Variants in EPB41L5 observed in about 807,000 individuals in gnomAD.
The protein encoded by EPB41L5 is erythrocyte membrane protein band 4.1 like 5.
In EPB41L5, 55 loss-of-function variants were observed where a neutral mutation model predicts 106.6. The observed-to-expected ratio is 0.52, with a 90% CI of 0.42 to 0.65. The LOEUF (loss-of-function observed/expected upper bound fraction) is 0.65, where lower values mean the gene tolerates loss of function less well. Among genes scored for constraint, EPB41L5 ranks in the 30% least tolerant of loss-of-function variants. The pLI is 0.00. For synonymous variants in EPB41L5, 297 were observed against 306.7 expected, an observed-to-expected ratio of 0.97 and a Z score of 0.33; for missense variants, 871 against 882.1, an observed-to-expected ratio of 0.99 and a Z score of 0.16.
At chr2:120,104,503 T>C in intron 16 of EPB41L5, 1 of 1,122,944 alleles carries the variant, frequency 8.9e-7, no homozygotes, top group Non-Finnish European at 1.1e-6. Flanking sequence ...TTTTCAGACC[T>C]TAGTATGTTC....
chr2:120,146,554 C>T (rs1477004047), intron 20 of EPB41L5, among the ~76,000 whole-genome samples: 2 of 152,240 alleles, frequency 1.3e-5, no homozygotes, highest in Non-Finnish European at 2.9e-5. Context: ...GTGATCTTTT[C>T]AGTCACCTGG....
intron 18 of EPB41L5, among the ~76,000 whole-genome samples, chr2:120,139,027 AT>A (rs950000525): frequency 2.0e-5 from 3 of 152,144 alleles, no homozygotes; most frequent in African/African-American, 7.2e-5. Context: ...AAATAAATCC[AT>A]ACATCTGCAG....
At chr2:120,158,826 A>C (rs1045479271) in intron 20 of EPB41L5, among the ~76,000 whole-genome samples, 3 of 152,194 alleles carry the variant, frequency 2.0e-5, no homozygotes, top group Non-Finnish European at 4.4e-5. Context: ...ACATGATTCT[A>C]TATCTAGAAA....
In EPB41L5 at chr2:120,106,874, T is replaced by C. The variant is rs1684483262; in HGVS notation, c.1337+6060T>C. ...GATAGGATAATCATAGATAACATAC[T>C]TTTAAATGAATTTACAGAGAAAAAT... is the stretch of plus-strand genomic sequence containing the variant. On this transcript the variant is annotated intron_variant, in intron 16 of 24. Coordinates refer to ENST00000263713, the MANE Select transcript of EPB41L5 (RefSeq NM_020909.4). The C allele has an allele frequency of 3.1e-6, 3 of 981,930 alleles. No homozygotes were observed. The African/African-American group carries it at 5.2e-5, about 17-fold the overall frequency. 60.8% of individuals were successfully genotyped at this position (981,930 alleles called of 1,614,324 possible). A position where few individuals can be genotyped will look rare whatever the true frequency, so the allele number is the denominator to read the frequency against.
At chr2:120,155,074 T>A (rs1686844434) in intron 20 of EPB41L5, among the ~76,000 whole-genome samples, 1 of 152,268 alleles carries the variant, frequency 6.6e-6, no homozygotes, top group Admixed American at 6.5e-5. Context: ...CTTACCTGTT[T>A]AATTACCTTT....
chr2:120,140,541 T>C (rs530523605), intron 18 of EPB41L5, among the ~76,000 whole-genome samples: 139 of 152,100 alleles, frequency 9.1e-4, no homozygotes, highest in African/African-American at 3.2e-3. Flanking sequence ...TCAACTTGAG[T>C]AGAAGTTGAG....
At chr2:120,054,985 G>A (rs1680548174) in intron 3 of EPB41L5, among the ~76,000 whole-genome samples, 1 of 151,030 alleles carries the variant, frequency 6.6e-6, no homozygotes. Context: ...TCCTGCCTCA[G>A]CCTCCCAAGC....
intron 24 of EPB41L5, among the ~76,000 whole-genome samples, chr2:120,168,550 G>A (rs1322425170): frequency 3.3e-5 from 5 of 152,174 alleles, no homozygotes; most frequent in Non-Finnish European, 1.5e-5. Context: ...AACCATAACT[G>A]CACCTGTTTT....
At chr2:120,157,473 C>T (rs1207678792) in intron 20 of EPB41L5, among the ~76,000 whole-genome samples, 2 of 151,242 alleles carry the variant, frequency 1.3e-5, no homozygotes, top group Non-Finnish European at 3.0e-5. Flanking sequence ...CACAAAAAAA[C>T]ACTCAAAAAA....
chr2:120,155,175 A>T (rs1274371807), intron 20 of EPB41L5, among the ~76,000 whole-genome samples: 2 of 152,044 alleles, frequency 1.3e-5, no homozygotes, highest in East Asian at 3.9e-4. Flanking sequence ...TTAGCATTTT[A>T]TGTAAGGAAT....
intron 20 of EPB41L5, among the ~76,000 whole-genome samples, chr2:120,153,677 ATAGT>A (rs1440313562): frequency 6.6e-6 from 1 of 152,046 alleles, no homozygotes; most frequent in East Asian, 1.9e-4. Context: ...GTCTCTGTTG[ATAGT>A]TCTGTATATG....
At chr2:120,094,090 G>A (rs1338507956) in intron 14 of EPB41L5, among the ~76,000 whole-genome samples, 2 of 152,062 alleles carry the variant, frequency 1.3e-5, no homozygotes, top group Non-Finnish European at 2.9e-5. Context: ...AGGCTCAAGT[G>A]ATCATCCCAC....
intron 11 of EPB41L5, among the ~76,000 whole-genome samples, chr2:120,088,860 A>G (rs975334269): frequency 2.6e-5 from 4 of 152,126 alleles, no homozygotes; most frequent in African/African-American, 9.7e-5. Flanking sequence ...GTTATTGGAT[A>G]TGTGGATATC....
At chr2:120,144,733 C>T (rs959659448) in intron 19 of EPB41L5, among the ~76,000 whole-genome samples, 3 of 152,132 alleles carry the variant, frequency 2.0e-5, no homozygotes, top group African/African-American at 7.2e-5. Flanking sequence ...CAAGAAACTA[C>T]AGACCACTAC....
In EPB41L5 at chr2:120,018,370, A is replaced by T. The variant is rs550717583; in HGVS notation, c.-8-707A>T. ...ATAATTTATCTATTTAGAAGACCTGATGAACTTCATGAATGTTTGCCTTCT... is the reference window on the plus strand; with the variant it reads ...ATAATTTATCTATTTAGAAGACCTGTTGAACTTCATGAATGTTTGCCTTCT... On this transcript the variant is annotated intron_variant, in intron 1 of 24. Transcript: ENST00000263713. 9.3e-4 allele frequency among the ~76,000 whole-genome samples: 142 copies of T among 152,256 alleles called. 1 individual carries two copies. The highest frequency in any genetic ancestry group is 3.3e-3 in the African/African-American group (137 of 41,548).
At chr2:120,067,989 A>C (rs1299876956) in intron 3 of EPB41L5, among the ~76,000 whole-genome samples, 1 of 152,216 alleles carries the variant, frequency 6.6e-6, no homozygotes, top group African/African-American at 2.4e-5. Flanking sequence ...GATGGCTGGC[A>C]AGATGGCCGA....
At chr2:120,026,283 T>G (rs376603179) in intron 2 of EPB41L5, among the ~76,000 whole-genome samples, 3 of 152,242 alleles carry the variant, frequency 2.0e-5, no homozygotes, top group Non-Finnish European at 4.4e-5. Flanking sequence ...CAAATCATGG[T>G]ACATGAGATA....
At chr2:120,062,742 A>G (rs1465163538) in intron 3 of EPB41L5, among the ~76,000 whole-genome samples, 1 of 152,210 alleles carries the variant, frequency 6.6e-6, no homozygotes, top group Non-Finnish European at 1.5e-5. Context: ...GTTTGAGGCA[A>G]TAGTTTTTTA....
At chr2:120,139,888 C>T (rs1047029980) in intron 18 of EPB41L5, among the ~76,000 whole-genome samples, 6 of 152,010 alleles carry the variant, frequency 3.9e-5, no homozygotes, top group African/African-American at 1.4e-4. Flanking sequence ...TGGCACTGTT[C>T]ACAGTAGCCA....
Sources: allele counts gnomAD v4.1 joint callset (sites outside exome capture counted in the v4.1 genomes callset), GRCh38; gene constraint gnomAD v4.1.1; transcripts MANE v1.5; gene names NCBI Gene and HGNC (gene_info 2026-07-23, HGNC 2026-07-21).